The following NFIA variants were observed in gnomAD, a reference collection of about 807,000 sequenced individuals.
NFIA encodes the protein nuclear factor 1 A-type.
NFIA carries 8 observed loss-of-function variants against 62.8 expected under a neutral mutation model. The observed-to-expected ratio is 0.13, with a 90% confidence interval of 0.07 to 0.23. The LOEUF (loss-of-function observed/expected upper bound fraction) is 0.23. Ranked by LOEUF, NFIA falls within the 10% of genes least tolerant of loss-of-function variation. The pLI is 1.00. For synonymous variants in NFIA, 235 were observed against 238.1 expected, an observed-to-expected ratio of 0.99 and a Z score of 0.12; for missense variants, 410 against 642.1, an observed-to-expected ratio of 0.64 and a Z score of 3.91.
At chr1:61,111,285 T>C (rs1479136227) in intron 2 of NFIA, among the ~76,000 whole-genome samples, 1 of 152,174 alleles carries the variant, frequency 6.6e-6, no homozygotes, top group Non-Finnish European at 1.5e-5. Flanking sequence ...ACTGCCATTA[T>C]TGAGAACCTA....
At chr1:61,084,911 A>G (rs1646192808) in intron 1 of NFIA, among the ~76,000 whole-genome samples, 1 of 151,254 alleles carries the variant, frequency 6.6e-6, no homozygotes, top group Non-Finnish European at 1.5e-5. Flanking sequence ...TGCATTCACT[A>G]GGCCTTCTTC....
chr1:61,160,592 G>A (rs1649124638), intron 2 of NFIA, among the ~76,000 whole-genome samples: 1 of 152,188 alleles, frequency 6.6e-6, no homozygotes, highest in Non-Finnish European at 1.5e-5. Flanking sequence ...TGGTAAGGAG[G>A]ACTGAACTTG....
At chr1:61,362,342 A>G (rs1663342192) in intron 6 of NFIA, among the ~76,000 whole-genome samples, 1 of 152,216 alleles carries the variant, frequency 6.6e-6, no homozygotes, top group Non-Finnish European at 1.5e-5. Flanking sequence ...TTGGTTGCCT[A>G]CATTTGGGAT....
chr1:61,217,232 T>TG (rs967827576), intron 2 of NFIA, among the ~76,000 whole-genome samples: 17 of 150,646 alleles, frequency 1.1e-4, no homozygotes, highest in Admixed American at 6.6e-4. Flanking sequence ...AATTTTTTTT[T>TG]TTTTGTTTTG....
At chr1:61,395,237 G>C (rs181646076) in intron 7 of NFIA, among the ~76,000 whole-genome samples, 2 of 149,956 alleles carry the variant, frequency 1.3e-5, no homozygotes, top group East Asian at 4.0e-4. Context: ...ATGGCTTTAT[G>C]TTTGTTATGA....
intron 2 of NFIA, among the ~76,000 whole-genome samples, chr1:61,124,212 C>A (rs1018007167): frequency 1.3e-5 from 2 of 152,188 alleles, no homozygotes; most frequent in Non-Finnish European, 2.9e-5. Flanking sequence ...GCCTTCAGTG[C>A]TTCCTTTGAC....
At chr1:61,123,835 T>G (rs1485451834) in intron 2 of NFIA, among the ~76,000 whole-genome samples, 1 of 152,202 alleles carries the variant, frequency 6.6e-6, no homozygotes, top group East Asian at 1.9e-4. Context: ...GGCATTGGTA[T>G]AAAGCTGATG....
intron 3 of NFIA, among the ~76,000 whole-genome samples, chr1:61,328,438 C>T (rs201190360): frequency 9.0e-6 from 1 of 110,978 alleles, no homozygotes; most frequent in Admixed American, 9.1e-5. Flanking sequence ...ATATTTTTTT[C>T]GAGACGGAAT....
chr1:61,184,906 C>G (rs1651048825), intron 2 of NFIA, among the ~76,000 whole-genome samples: 1 of 152,186 alleles, frequency 6.6e-6, no homozygotes, highest in Admixed American at 6.5e-5. Context: ...GAACTTTTCC[C>G]AGACATAACA....
At chr1:61,410,534 T>C (rs537144185) in intron 9 of NFIA, among the ~76,000 whole-genome samples, 6 of 152,340 alleles carry the variant, frequency 3.9e-5, no homozygotes, top group African/African-American at 1.4e-4. Context: ...TTCTCAAAAA[T>C]GTAAACTGTA....
intron 2 of NFIA, among the ~76,000 whole-genome samples, chr1:61,165,426 G>A (rs544193091): frequency 3.1e-4 from 47 of 152,306 alleles, no homozygotes; most frequent in African/African-American, 1.1e-3. Flanking sequence ...ATGCATGTAT[G>A]TAGTTGAAGT....
chr1:61,348,277 G>C (rs529570021), intron 4 of NFIA, among the ~76,000 whole-genome samples: 33 of 152,314 alleles, frequency 2.2e-4, no homozygotes, highest in African/African-American at 7.0e-4. Flanking sequence ...AGTTGCAGGG[G>C]GATGTTCCTT....
intron 5 of NFIA, 100 bp downstream of exon 5, chr1:61,352,667 A>G (rs1203076986): frequency 4.2e-6 from 4 of 946,534 alleles, no homozygotes; most frequent in Non-Finnish European, 6.8e-6. Context: ...GCCTTTAGTA[A>G]TAGAAGATAA....
intron 9 of NFIA, among the ~76,000 whole-genome samples, chr1:61,422,761 AAAG>A (rs1289720769): frequency 4.0e-5 from 6 of 150,904 alleles, no homozygotes; most frequent in East Asian, 1.9e-4. Context: ...AAAAAAAAAA[AAAG>A]AGCAGTACTG....
At chr1:61,247,437 C>T (rs576357741) in intron 2 of NFIA, among the ~76,000 whole-genome samples, 2 of 152,142 alleles carry the variant, frequency 1.3e-5, no homozygotes, top group Admixed American at 6.5e-5. Flanking sequence ...TACACCACAC[C>T]ACACTAGGTT....
chr1:61,235,463 A>AAAATAAATAAAT (rs200048964), intron 2 of NFIA, among the ~76,000 whole-genome samples: 1,538 of 121,510 alleles, frequency 0.013, 18 homozygotes, highest in African/African-American at 0.026. Flanking sequence ...ACTCCATCTC[A>AAAATAAATAAAT]AAATAAATAA....
chr1:61,431,153 C>T (rs1294073874), intron 10 of NFIA, among the ~76,000 whole-genome samples: 1 of 152,110 alleles, frequency 6.6e-6, no homozygotes, highest in East Asian at 1.9e-4. Context: ...AGCAGAAAGC[C>T]AATGGCCATT....
chr1:61,406,543 G>GGGGGCCCC lies in NFIA; in HGVS notation c.1255-19_1255-18insGGGGCCCC. 6.8e-6 allele frequency: 6 copies of GGGGGCCCC among 876,650 alleles called. No individual in the cohort carries two copies. Among genetic ancestry groups the GGGGGCCCC allele is most frequent in the Non-Finnish European group, 9.2e-6 (6 of 653,740 alleles). The allele number at this position is 876,650 out of a possible 1,614,324, so 54.3% of individuals were successfully genotyped here. On this transcript the variant is annotated intron_variant, in intron 8 of 10. Transcript: ENST00000403491. ...TCTTTTTCTTGTACGTGTGTTTTCT[G>GGGGGCCCC]CCCCCCCCCCCCCCACAGCCCAATG...
intron 2 of NFIA, among the ~76,000 whole-genome samples, chr1:61,253,072 C>A (rs1165857388): frequency 6.6e-6 from 1 of 152,134 alleles, no homozygotes; most frequent in African/African-American, 2.4e-5. Flanking sequence ...GAAGTTCAGT[C>A]CAGCCATGTT....
Sources: gnomAD v4.1 joint callset for allele counts (sites outside exome capture counted in the v4.1 genomes callset) on GRCh38, gnomAD v4.1.1 for gene constraint, MANE v1.5 for transcripts, NCBI Gene and HGNC (gene_info 2026-07-23, HGNC 2026-07-21) for gene names.